Variants in PSD3 observed in about 807,000 individuals in gnomAD.
PSD3 encodes pleckstrin and Sec7 domain containing 3.
PSD3 carries 49 observed loss-of-function variants against 105.5 expected under a neutral mutation model. The ratio of observed to expected loss-of-function variants is 0.46; its 90% confidence interval spans 0.37 to 0.59. The LOEUF (loss-of-function observed/expected upper bound fraction) is 0.59. PSD3 is among the 20% of genes least tolerant of loss of function. PSD3 has a pLI of 0.00. For synonymous variants in PSD3, 557 were observed against 457.8 expected (o/e 1.22, Z -2.77); for missense variants, 1,561 against 1,263.8 (o/e 1.24, Z -3.57).
intron 1 of PSD3, chr8:19,084,196 G>A (rs757548401): frequency 1.1e-5 from 5 of 444,872 alleles, no homozygotes; most frequent in Admixed American, 2.4e-5. Context: ...CAGGACATGC[G>A]AGTTCTTACC....
intron 8 of PSD3, among the ~76,000 whole-genome samples, chr8:18,779,814 T>G (rs1401603521): frequency 6.6e-6 from 1 of 152,226 alleles, no homozygotes; most frequent in Non-Finnish European, 1.5e-5. Flanking sequence ...ATTTCTATTT[T>G]TTTAATCGTT....
chr8:18,865,187 G>A (rs1356740940), intron 4 of PSD3: 8 of 125,464 alleles, frequency 6.4e-5, no homozygotes, highest in Non-Finnish European at 1.1e-4. Flanking sequence ...GTGGCTTTGG[G>A]TAAGATATCC....
chr8:18,986,549 A>G (rs1343956897), intron 1 of PSD3, among the ~76,000 whole-genome samples: 1 of 151,246 alleles, frequency 6.6e-6, no homozygotes, highest in Non-Finnish European at 1.5e-5. Flanking sequence ...TTGAGATAAA[A>G]TGGTCTCAGC....
intron 11 of PSD3, among the ~76,000 whole-genome samples, chr8:18,622,701 T>C (rs1306349768): frequency 1.3e-5 from 2 of 152,202 alleles, no homozygotes; most frequent in Non-Finnish European, 2.9e-5. Context: ...ACTTTTCACC[T>C]CACATAGTTG....
At chr8:18,879,228 T>C (rs961544688) in intron 2 of PSD3, among the ~76,000 whole-genome samples, 4 of 152,126 alleles carry the variant, frequency 2.6e-5, no homozygotes, top group Non-Finnish European at 5.9e-5. Context: ...AATTCAACAA[T>C]TGTGGGCAAG....
intron 1 of PSD3, among the ~76,000 whole-genome samples, chr8:18,986,753 G>T (rs1825514589): frequency 6.6e-6 from 1 of 151,906 alleles, no homozygotes; most frequent in Non-Finnish European, 1.5e-5. Flanking sequence ...TTGCAAACTG[G>T]GTACAAAAGA....
intron 1 of PSD3, among the ~76,000 whole-genome samples, chr8:18,972,481 C>T (rs1824711314): frequency 6.6e-6 from 1 of 152,194 alleles, no homozygotes; most frequent in African/African-American, 2.4e-5. Flanking sequence ...AACCCCGGAA[C>T]AAGTTTCACA....
At chr8:18,935,185 A>G (rs1248127176) in intron 2 of PSD3, among the ~76,000 whole-genome samples, 1 of 152,210 alleles carries the variant, frequency 6.6e-6, no homozygotes, top group African/African-American at 2.4e-5. Flanking sequence ...TAATAGTTCT[A>G]TTTGTTCTAA....
chr8:18,793,271 T>A (rs766620139), intron 8 of PSD3, among the ~76,000 whole-genome samples: 8 of 151,158 alleles, frequency 5.3e-5, no homozygotes, highest in Non-Finnish European at 1.2e-4. Context: ...CACATACATA[T>A]GTAACAAACC....
intron 9 of PSD3, among the ~76,000 whole-genome samples, chr8:18,697,906 A>G (rs1256395963): frequency 6.6e-6 from 1 of 152,254 alleles, no homozygotes; most frequent in African/African-American, 2.4e-5. Flanking sequence ...AAGTCTGTAC[A>G]TAATTTATCT....
chr8:18,959,868 T>C (rs1240979439), intron 1 of PSD3, among the ~76,000 whole-genome samples: 1 of 152,170 alleles, frequency 6.6e-6, no homozygotes, highest in Non-Finnish European at 1.5e-5. Flanking sequence ...GATCTCCTTC[T>C]TACAAATTCA....
chr8:18,951,917 C>T (rs1823260410), intron 1 of PSD3, among the ~76,000 whole-genome samples: 1 of 151,908 alleles, frequency 6.6e-6, no homozygotes, highest in African/African-American at 2.4e-5. Flanking sequence ...TGCAGTGAGC[C>T]CAGATCACAC....
intron 9 of PSD3, among the ~76,000 whole-genome samples, chr8:18,677,310 G>A (rs574901198): frequency 6.6e-6 from 1 of 152,282 alleles, no homozygotes; most frequent in South Asian, 2.1e-4. Flanking sequence ...CAGCGCAGTG[G>A]CTCATGCCTT....
chr8:18,639,885 C>T lies in PSD3; in HGVS notation c.2217-7079G>A, dbSNP rs184929167. Among the ~76,000 whole-genome samples the T allele has an allele frequency of 9.4e-4, 143 of 152,280 alleles. 2 individuals carry two copies. Among genetic ancestry groups the T allele is most frequent in the East Asian group, 6.2e-3 (32 of 5,172 alleles). ...AGAAGAAAAACTGGGACAACTGTGTCTCAGTACTTGCTCTTCCATAAACTT... is the reference window on the plus strand; with the variant it reads ...AGAAGAAAAACTGGGACAACTGTGTTTCAGTACTTGCTCTTCCATAAACTT... On this transcript the variant is annotated intron_variant, in intron 10 of 15. Coordinates refer to ENST00000327040, the MANE Select transcript of PSD3 (RefSeq NM_015310.4).
chr8:19,081,675 G>T (rs1170432476), intron 1 of PSD3, among the ~76,000 whole-genome samples: 1 of 152,214 alleles, frequency 6.6e-6, no homozygotes, highest in Non-Finnish European at 1.5e-5. Flanking sequence ...ACCAACCAAT[G>T]AAGATTTGTT....
chr8:18,971,154 T>C lies in PSD3; in HGVS notation c.22-35012A>G, dbSNP rs576825205. Among the ~76,000 whole-genome samples the C allele has an allele frequency of 4.6e-5, 7 of 152,106 alleles. No individual in the cohort carries two copies. The South Asian group carries it at 6.2e-4, about 13-fold the overall frequency. On this transcript the variant is annotated intron_variant, in intron 1 of 15. Coordinates refer to ENST00000327040, the MANE Select transcript of PSD3 (RefSeq NM_015310.4). ...AAACAGTCAAATAAGGACCTTCCTA[T>C]GTAGATTACAAATTAAAAACAAAAT...
At chr8:18,782,343 T>C (rs73666715) in intron 8 of PSD3, among the ~76,000 whole-genome samples, 12,674 of 152,060 alleles carry the variant, frequency 0.083, 1,126 homozygotes, top group East Asian at 0.35. Flanking sequence ...TTTTTTTCTA[T>C]AGAGCTATCT....
chr8:19,083,649 T>G (rs1041300946), intron 1 of PSD3, among the ~76,000 whole-genome samples: 2 of 151,014 alleles, frequency 1.3e-5, no homozygotes, highest in Admixed American at 1.3e-4. Flanking sequence ...TGTGCTCCGG[T>G]TCTGGAAACC....
At chr8:18,671,918 A>G (rs908570365) in intron 9 of PSD3, among the ~76,000 whole-genome samples, 2 of 152,328 alleles carry the variant, frequency 1.3e-5, no homozygotes, top group South Asian at 4.1e-4. Context: ...GGCGTGAGCC[A>G]CTGCGCCGGG....
Sources: allele counts gnomAD v4.1 joint callset (sites outside exome capture counted in the v4.1 genomes callset), GRCh38; gene constraint gnomAD v4.1.1; transcripts MANE v1.5; gene names NCBI Gene and HGNC (gene_info 2026-07-23, HGNC 2026-07-21).